The following CSRNP3 variants were observed in gnomAD, a reference collection of about 807,000 sequenced individuals.
The protein encoded by CSRNP3 is cysteine/serine-rich nuclear protein 3.
CSRNP3 carries 12 observed loss-of-function variants against 48.0 expected under a neutral mutation model. That is an observed-to-expected ratio of 0.25 (90% CI 0.16 to 0.41). The LOEUF (loss-of-function observed/expected upper bound fraction) is 0.41, where lower values mean the gene tolerates loss of function less well. Among genes scored for constraint, CSRNP3 ranks in the 10% least tolerant of loss-of-function variants. CSRNP3 has a pLI of 1.00. For missense variants in CSRNP3, 580 were observed against 724.4 expected (o/e 0.80, Z 2.29); for synonymous variants, 263 against 269.7 (o/e 0.98, Z 0.24).
chr2:165,487,851 G>C (rs1429478210), intron 1 of CSRNP3, among the ~76,000 whole-genome samples: 1 of 145,702 alleles, frequency 6.9e-6, no homozygotes, highest in Non-Finnish European at 1.5e-5. Flanking sequence ...ATGCCAAAAT[G>C]TAAAGAACAT....
intron 3 of CSRNP3, among the ~76,000 whole-genome samples, chr2:165,560,447 C>A (rs1685218262): frequency 6.6e-6 from 1 of 152,146 alleles, no homozygotes; most frequent in South Asian, 2.1e-4. Flanking sequence ...CATGAACAAT[C>A]CTTATTCATC....
intron 4 of CSRNP3, among the ~76,000 whole-genome samples, chr2:165,647,879 G>A (rs375336334): frequency 6.6e-6 from 1 of 152,080 alleles, no homozygotes; most frequent in East Asian, 1.9e-4. Context: ...TGTAGGTTAG[G>A]TGTATTAAAT....
intron 6 of CSRNP3, among the ~76,000 whole-genome samples, chr2:165,677,045 G>A (rs893621815): frequency 4.6e-5 from 7 of 152,154 alleles, no homozygotes; most frequent in Non-Finnish European, 1.0e-4. Context: ...GATTGAGACT[G>A]CAGAAAATGA....
At chr2:165,654,066 G>A (rs1191431237) in intron 4 of CSRNP3, among the ~76,000 whole-genome samples, 1 of 134,258 alleles carries the variant, frequency 7.4e-6, no homozygotes, top group Non-Finnish European at 1.6e-5. Context: ...CTTTTTCCTT[G>A]TCTATAAATT....
intron 3 of CSRNP3, among the ~76,000 whole-genome samples, chr2:165,552,945 C>G (rs1685116748): frequency 2.0e-5 from 3 of 152,062 alleles, no homozygotes; most frequent in African/African-American, 7.2e-5. Context: ...ATGCCTACCT[C>G]GGCCTCCCAC....
At chr2:165,519,166 T>C (rs1684618391) in intron 3 of CSRNP3, among the ~76,000 whole-genome samples, 1 of 148,650 alleles carries the variant, frequency 6.7e-6, no homozygotes, top group South Asian at 2.2e-4. Context: ...AAGTAAGAAA[T>C]ATGAGATTCT....
intron 3 of CSRNP3, among the ~76,000 whole-genome samples, chr2:165,549,734 A>C (rs569188508): frequency 4.6e-5 from 7 of 152,168 alleles, no homozygotes; most frequent in Admixed American, 3.9e-4. Context: ...CTACCCATTA[A>C]AACCTGCGAC....
intron 2 of CSRNP3, among the ~76,000 whole-genome samples, chr2:165,512,671 C>T (rs543223224): frequency 3.7e-4 from 57 of 152,220 alleles, no homozygotes; most frequent in Middle Eastern, 3.4e-3. Context: ...GTTTGGTAGA[C>T]GAATTGATTA....
At chr2:165,550,845 G>A (rs897705888) in intron 3 of CSRNP3, among the ~76,000 whole-genome samples, 3 of 152,122 alleles carry the variant, frequency 2.0e-5, no homozygotes, top group Non-Finnish European at 4.4e-5. Flanking sequence ...TTTCAGAGTC[G>A]ATTGTTCTGT....
chr2:165,539,860 G>A (rs1429684289), intron 3 of CSRNP3, among the ~76,000 whole-genome samples: 1 of 152,028 alleles, frequency 6.6e-6, no homozygotes, highest in Non-Finnish European at 1.5e-5. Context: ...ACTGATTTTT[G>A]CTAAGGGTGT....
intron 3 of CSRNP3, among the ~76,000 whole-genome samples, chr2:165,523,360 A>G (rs978326483): frequency 3.9e-5 from 6 of 152,242 alleles, no homozygotes; most frequent in African/African-American, 9.6e-5. Flanking sequence ...AAATTGACAA[A>G]CAAAAACAAA....
chr2:165,536,657 C>T (rs527731851), intron 3 of CSRNP3, among the ~76,000 whole-genome samples: 22 of 151,924 alleles, frequency 1.4e-4, no homozygotes, highest in African/African-American at 5.3e-4. Context: ...CAACTCAATG[C>T]AGTGAATAGA....
intron 4 of CSRNP3, among the ~76,000 whole-genome samples, chr2:165,639,752 T>G (rs895267941): frequency 6.6e-6 from 1 of 152,194 alleles, no homozygotes; most frequent in Non-Finnish European, 1.5e-5. Context: ...CTTATGACCT[T>G]GGAGGAGAGC....
intron 3 of CSRNP3, among the ~76,000 whole-genome samples, chr2:165,584,972 G>A (rs1212532928): frequency 2.0e-5 from 3 of 152,138 alleles, no homozygotes; most frequent in Non-Finnish European, 4.4e-5. Context: ...GCTGTCCTGG[G>A]CCACATTACA....
intron 4 of CSRNP3, among the ~76,000 whole-genome samples, chr2:165,638,868 G>T (rs1317168213): frequency 6.6e-6 from 1 of 152,156 alleles, no homozygotes; most frequent in African/African-American, 2.4e-5. Context: ...ATTCATGATA[G>T]TTATGTTCTA....
chr2:165,545,656 A>G (rs919873211), intron 3 of CSRNP3, among the ~76,000 whole-genome samples: 1 of 151,940 alleles, frequency 6.6e-6, no homozygotes, highest in African/African-American at 2.4e-5. Context: ...TGTCTTATTT[A>G]CTCTGTGTAC....
chr2:165,539,637 A>G (rs946802802), intron 3 of CSRNP3, among the ~76,000 whole-genome samples: 2 of 152,050 alleles, frequency 1.3e-5, no homozygotes, highest in African/African-American at 4.8e-5. Flanking sequence ...TGACTTTTTA[A>G]TTCATTTTCC....
chr2:165,565,767 TG>T (rs1237074350), intron 3 of CSRNP3, among the ~76,000 whole-genome samples: 1 of 152,148 alleles, frequency 6.6e-6, no homozygotes, highest in Admixed American at 6.6e-5. Flanking sequence ...TATTTATTCA[TG>T]TTGTATGATT....
At position 165,679,380 on chromosome 2, in the gene CSRNP3, A is replaced by G; in HGVS notation, c.1385A>G (p.Asn462Ser). ...TATTCTGAAAGAGACACTGTCAAAA[A>G]TGGTACCCTTTCGCTGGTGCCTTAC... The part of the protein sequence containing the change: ...ENYSERDTVK[N>S]GTLSLVPYTM... Residue 462 changes from asparagine to serine, a missense_variant, in exon 7 of 7, where the codon AAT becomes AGT. By Grantham distance (46) the Asn-to-Ser change is conservative. Around this residue, in one of 4 missense-constraint regions of CSRNP3, gnomAD observed 369 missense variants for 380.8 expected, o/e 0.97. Coordinates refer to ENST00000651982, the MANE Select transcript of CSRNP3 (RefSeq NM_001172173.2). 2 of 1,613,688 alleles carry G rather than the reference A, an allele frequency of 1.2e-6. No homozygotes were observed. The highest frequency in any genetic ancestry group is 2.7e-5 in the African/African-American group (2 of 74,904).
Sources: gnomAD v4.1 joint callset for allele counts (sites outside exome capture counted in the v4.1 genomes callset) on GRCh38, gnomAD v4.1.1 for gene constraint, gnomAD v4.1.1 regional missense constraint, MANE v1.5 for transcripts, NCBI Gene and HGNC (gene_info 2026-07-23, HGNC 2026-07-21) for gene names.